The following CAMK1D variants were observed in gnomAD, a reference collection of about 807,000 sequenced individuals.
The protein encoded by CAMK1D is calcium/calmodulin-dependent protein kinase type 1D.
CAMK1D carries 9 observed loss-of-function variants against 47.7 expected under a neutral mutation model. The ratio of observed to expected loss-of-function variants is 0.19; its 90% CI spans 0.11 to 0.33. CAMK1D has a LOEUF of 0.33. Ranked by LOEUF, CAMK1D falls within the 10% of genes least tolerant of loss-of-function variation. The pLI is 1.00. For synonymous variants in CAMK1D, 184 were observed against 184.9 expected (o/e 0.99, Z 0.04); for missense variants, 291 against 488.7 (o/e 0.60, Z 3.81).
At chr10:12,717,105 TATTC>T (rs1253168794) in intron 3 of CAMK1D, among the ~76,000 whole-genome samples, 1 of 152,270 alleles carries the variant, frequency 6.6e-6, no homozygotes, top group Non-Finnish European at 1.5e-5. Flanking sequence ...TTTAAAGTAT[TATTC>T]AGCAGACATA....
At chr10:12,665,720 C>T (rs1840407141) in intron 2 of CAMK1D, among the ~76,000 whole-genome samples, 1 of 152,348 alleles carries the variant, frequency 6.6e-6, no homozygotes, top group Admixed American at 6.5e-5. Context: ...TGGATAGTGC[C>T]AACGGCTAGA....
intron 5 of CAMK1D, among the ~76,000 whole-genome samples, chr10:12,788,763 G>A (rs1470931755): frequency 2.0e-5 from 3 of 152,202 alleles, no homozygotes; most frequent in Admixed American, 6.5e-5. Context: ...CAGTCGGGGC[G>A]GACGAGTCAG....
At chr10:12,472,474 C>A (rs1241709748) in intron 1 of CAMK1D, among the ~76,000 whole-genome samples, 1 of 140,056 alleles carries the variant, frequency 7.1e-6, no homozygotes, top group African/African-American at 2.7e-5. Context: ...CCTCTCCCTT[C>A]ATCCCTAGTC....
intron 1 of CAMK1D, among the ~76,000 whole-genome samples, chr10:12,482,971 A>G (rs901271563): frequency 6.6e-6 from 1 of 152,184 alleles, no homozygotes; most frequent in African/African-American, 2.4e-5. Flanking sequence ...TTCCCTGCCC[A>G]CATTACGGTG....
At chr10:12,486,923 A>G (rs1030424758) in intron 1 of CAMK1D, among the ~76,000 whole-genome samples, 1 of 152,188 alleles carries the variant, frequency 6.6e-6, no homozygotes, top group Admixed American at 6.5e-5. Context: ...GGGTGACAGA[A>G]TGAGATCCTG....
chr10:12,635,921 G>A (rs1839501056), intron 2 of CAMK1D, among the ~76,000 whole-genome samples: 1 of 152,156 alleles, frequency 6.6e-6, no homozygotes, highest in Non-Finnish European at 1.5e-5. Flanking sequence ...CACTAGGCTT[G>A]CAAGAAAACT....
chr10:12,353,879 C>A (rs1344995080), intron 1 of CAMK1D, among the ~76,000 whole-genome samples: 3 of 152,130 alleles, frequency 2.0e-5, no homozygotes, highest in Non-Finnish European at 4.4e-5. Flanking sequence ...TTTGCCAAGG[C>A]TGTTCAGGCC....
intron 3 of CAMK1D, among the ~76,000 whole-genome samples, chr10:12,681,012 G>T (rs767239693): frequency 4.6e-5 from 7 of 152,038 alleles, no homozygotes; most frequent in African/African-American, 1.7e-4. Flanking sequence ...CGGCTTTGGT[G>T]GTCGACTCAT....
chr10:12,679,824 C>G (rs1286372710), intron 3 of CAMK1D, among the ~76,000 whole-genome samples: 1 of 152,192 alleles, frequency 6.6e-6, no homozygotes, highest in African/African-American at 2.4e-5. Flanking sequence ...CGCCCAGCAC[C>G]CGGGCATATC....
chr10:12,373,312 C>A (rs1336540493), intron 1 of CAMK1D, among the ~76,000 whole-genome samples: 56 of 144,700 alleles, frequency 3.9e-4, no homozygotes, highest in South Asian at 6.6e-4. Flanking sequence ...GAGCCTGTCT[C>A]AATAAAAAAG....
chr10:12,401,820 G>A (rs1839235286), intron 1 of CAMK1D, among the ~76,000 whole-genome samples: 1 of 151,880 alleles, frequency 6.6e-6, no homozygotes, highest in Non-Finnish European at 1.5e-5. Flanking sequence ...TTGGCATTCA[G>A]GCATGTATAG....
intron 5 of CAMK1D, among the ~76,000 whole-genome samples, chr10:12,777,183 A>AG (rs1837286751): frequency 6.6e-6 from 1 of 152,096 alleles, no homozygotes; most frequent in Admixed American, 6.6e-5. Context: ...TGGAGAGGTC[A>AG]GGGGGACAAG....
chr10:12,563,708 AGG>A (rs113954003), intron 2 of CAMK1D, among the ~76,000 whole-genome samples: 25 of 145,860 alleles, frequency 1.7e-4, no homozygotes, highest in South Asian at 8.6e-4. Context: ...AGGGAGAGAG[AGG>A]GAGAGAGAGA....
intron 2 of CAMK1D, among the ~76,000 whole-genome samples, chr10:12,558,292 C>T (rs1467213113): frequency 4.6e-5 from 7 of 152,198 alleles, no homozygotes; most frequent in African/African-American, 7.2e-5. Context: ...CGGTGGCTCA[C>T]ACCTGTAAGC....
At chr10:12,521,134 T>A (rs113653474) in intron 1 of CAMK1D, among the ~76,000 whole-genome samples, 5 of 152,216 alleles carry the variant, frequency 3.3e-5, no homozygotes, top group Non-Finnish European at 7.3e-5. Flanking sequence ...CCTGTTCTTA[T>A]CCTTATATGT....
At chr10:12,741,603 A>G (rs1163467536) in intron 3 of CAMK1D, among the ~76,000 whole-genome samples, 6 of 149,210 alleles carry the variant, frequency 4.0e-5, no homozygotes, top group Non-Finnish European at 1.5e-5. Flanking sequence ...CATGTTCAGC[A>G]TTTACAAATG....
chr10:12,824,489 C>A lies in CAMK1D; in HGVS notation c.858C>A (p.Asn286Lys). The A allele has an allele frequency of 2.5e-6, 4 of 1,614,144 alleles. No homozygotes were observed. The highest frequency in any genetic ancestry group is 3.4e-6 in the Non-Finnish European group (4 of 1,180,014). Residue 286 changes from asparagine to lysine, a missense_variant, in exon 9 of 11, where the codon AAC (asparagine) becomes AAA (lysine). By Grantham distance (94) the Asn-to-Lys change is moderately conservative. This residue lies in a region of CAMK1D where 219 missense variants were observed against 424.3 expected (regional missense o/e 0.52). Transcript: ENST00000619168. ...GGATCGCTGGTGACACAGCCCTCAA[C>A]AAAAACATCCACGAGTCCGTCAGCG... is the stretch of plus-strand genomic sequence containing the variant. Reference protein sequence around the residue: ...HPWIAGDTALNKNIHESVSAQ... With the variant: ...HPWIAGDTALKKNIHESVSAQ...
At chr10:12,528,736 C>CTTTTTTTTTTT (rs34250007) in intron 1 of CAMK1D, among the ~76,000 whole-genome samples, 4 of 137,910 alleles carry the variant, frequency 2.9e-5, no homozygotes, top group Non-Finnish European at 3.1e-5. Context: ...AAATCCTCAT[C>CTTTTTTTTTTT]TTTTTTTTTT....
intron 1 of CAMK1D, among the ~76,000 whole-genome samples, chr10:12,473,364 GT>G (rs1810375263): frequency 6.6e-6 from 1 of 152,054 alleles, no homozygotes; most frequent in Non-Finnish European, 1.5e-5. Flanking sequence ...AACTTGGGAG[GT>G]GGAAGTTGCA....
Sources: allele counts gnomAD v4.1 joint callset (sites outside exome capture counted in the v4.1 genomes callset), GRCh38; gene constraint gnomAD v4.1.1; regional missense constraint gnomAD v4.1.1; transcripts MANE v1.5; gene names NCBI Gene and HGNC (gene_info 2026-07-23, HGNC 2026-07-21).